The following ZNF277 variants were observed in gnomAD, a reference collection of about 807,000 sequenced individuals.
ZNF277 encodes the protein zinc finger protein 277.
A neutral mutation model predicts 60.7 loss-of-function variants in ZNF277; 55 were observed. The ratio of observed to expected loss-of-function variants is 0.91; its 90% CI spans 0.73 to 1.13. The LOEUF (loss-of-function observed/expected upper bound fraction) is 1.13, where lower values mean the gene tolerates loss of function less well. Among genes scored for constraint, ZNF277 ranks in the 50% most tolerant of loss-of-function variants. The pLI is 0.00. For missense variants in ZNF277, 510 were observed against 523.0 expected (o/e 0.98, Z 0.24); for synonymous variants, 178 against 179.3 (o/e 0.99, Z 0.06).
chr7:112,334,170 A>G (rs1457735210), intron 7 of ZNF277, among the ~76,000 whole-genome samples: 1 of 152,102 alleles, frequency 6.6e-6, no homozygotes. Context: ...GTTTTGTGTA[A>G]GCACATGTAA....
intron 2 of ZNF277, chr7:112,287,311 G>A: frequency 3.9e-6 from 2 of 514,624 alleles, no homozygotes; most frequent in South Asian, 4.6e-5. Flanking sequence ...TGAGTTCGAG[G>A]CTGCAGTGAG....
chr7:112,285,624 CG>C (rs1257645198), intron 1 of ZNF277, among the ~76,000 whole-genome samples: 3 of 151,334 alleles, frequency 2.0e-5, no homozygotes, highest in Admixed American at 6.6e-5. Flanking sequence ...TTAGTAGAGA[CG>C]GGGTTTTACC....
chr7:112,329,858 C>A (rs1340705451), intron 6 of ZNF277, among the ~76,000 whole-genome samples: 1 of 152,188 alleles, frequency 6.6e-6, no homozygotes, highest in African/African-American at 2.4e-5. Context: ...ACAGTCTTAA[C>A]TGAATAGCAA....
intron 1 of ZNF277, among the ~76,000 whole-genome samples, chr7:112,273,198 T>C (rs1258303769): frequency 6.6e-6 from 1 of 152,166 alleles, no homozygotes; most frequent in African/African-American, 2.4e-5. Flanking sequence ...AAGTGCACTT[T>C]AGCCCGTGGT....
At chr7:112,271,692 A>G (rs1451906083) in intron 1 of ZNF277, among the ~76,000 whole-genome samples, 1 of 152,182 alleles carries the variant, frequency 6.6e-6, no homozygotes, top group African/African-American at 2.4e-5. Context: ...GGAGGACATG[A>G]ATCTAGTGAT....
intron 1 of ZNF277, among the ~76,000 whole-genome samples, chr7:112,282,487 C>T (rs561411686): frequency 3.9e-5 from 6 of 152,252 alleles, no homozygotes; most frequent in Non-Finnish European, 8.8e-5. Flanking sequence ...GTGACTGGCA[C>T]TTCATTTTGT....
intron 1 of ZNF277, among the ~76,000 whole-genome samples, chr7:112,260,648 C>T (rs10252768): frequency 1.3e-5 from 2 of 151,972 alleles, no homozygotes; most frequent in Admixed American, 6.5e-5. Context: ...TTCTAGGAAG[C>T]GATAAGCCTT....
chr7:112,290,973 TAATA>T (rs1405445316), intron 2 of ZNF277, among the ~76,000 whole-genome samples: 1 of 152,144 alleles, frequency 6.6e-6, no homozygotes, highest in Non-Finnish European at 1.5e-5. Context: ...ATGAAGATGA[TAATA>T]AATAAGAGAT....
chr7:112,335,151 A>G (rs1793305148), intron 7 of ZNF277, among the ~76,000 whole-genome samples: 1 of 152,176 alleles, frequency 6.6e-6, no homozygotes, highest in South Asian at 2.1e-4. Flanking sequence ...AAAAGAGTCC[A>G]TAATTGAGTG....
At chr7:112,241,078 C>T (rs1194498615) in intron 1 of ZNF277, among the ~76,000 whole-genome samples, 1 of 151,700 alleles carries the variant, frequency 6.6e-6, no homozygotes, top group Non-Finnish European at 1.5e-5. Flanking sequence ...CCCACAGTAT[C>T]GGAGAACGTA....
At chr7:112,215,802 T>G (rs1243183269) in intron 1 of ZNF277, among the ~76,000 whole-genome samples, 1 of 152,190 alleles carries the variant, frequency 6.6e-6, no homozygotes, top group Non-Finnish European at 1.5e-5. Flanking sequence ...TTTTTTAGTG[T>G]TTTTATCCAA....
chr7:112,307,503 C>T (rs2117094933), intron 4 of ZNF277, among the ~76,000 whole-genome samples: 1 of 151,064 alleles, frequency 6.6e-6, no homozygotes, highest in East Asian at 2.0e-4. Context: ...CAGCCTCCGC[C>T]TCCTGGTTTC....
chr7:112,269,044 C>A (rs1024128962), intron 1 of ZNF277, among the ~76,000 whole-genome samples: 2 of 152,200 alleles, frequency 1.3e-5, no homozygotes, highest in Non-Finnish European at 2.9e-5. Flanking sequence ...TATGATAATA[C>A]CTGACTGATA....
intron 1 of ZNF277, among the ~76,000 whole-genome samples, chr7:112,239,774 G>A (rs1790899340): frequency 6.6e-6 from 1 of 152,196 alleles, no homozygotes; most frequent in South Asian, 2.1e-4. Flanking sequence ...GACAAGTACA[G>A]AATAGTATAA....
chr7:112,286,530 G>A (rs1426020145), intron 1 of ZNF277, among the ~76,000 whole-genome samples: 1 of 152,186 alleles, frequency 6.6e-6, no homozygotes, highest in Non-Finnish European at 1.5e-5. Flanking sequence ...TTAACCCAGA[G>A]TGTTGCAGCC....
intron 1 of ZNF277, among the ~76,000 whole-genome samples, chr7:112,233,611 G>T (rs1316162168): frequency 6.6e-6 from 1 of 152,118 alleles, no homozygotes; most frequent in Non-Finnish European, 1.5e-5. Context: ...CAGCAATATT[G>T]GCAGTGCTCT....
intron 7 of ZNF277, among the ~76,000 whole-genome samples, chr7:112,334,247 C>T (rs1050658984): frequency 1.3e-5 from 2 of 152,018 alleles, no homozygotes; most frequent in African/African-American, 4.8e-5. Flanking sequence ...TTTTTTTCCA[C>T]CCTCTCATTA....
At chr7:112,220,148 T>G (rs1821987341) in intron 1 of ZNF277, among the ~76,000 whole-genome samples, 1 of 152,240 alleles carries the variant, frequency 6.6e-6, no homozygotes, top group South Asian at 2.1e-4. Flanking sequence ...CTTTGAGTAC[T>G]GTGGACATTT....
At chr7:112,219,411 G>A (rs1309753088) in intron 1 of ZNF277, among the ~76,000 whole-genome samples, 5 of 152,036 alleles carry the variant, frequency 3.3e-5, no homozygotes, top group Non-Finnish European at 5.9e-5. Context: ...GGTGAAATAA[G>A]GGTTCAATTT....
Sources: gnomAD v4.1 joint callset for allele counts (sites outside exome capture counted in the v4.1 genomes callset) on GRCh38, gnomAD v4.1.1 for gene constraint, MANE v1.5 for transcripts, NCBI Gene and HGNC (gene_info 2026-07-23, HGNC 2026-07-21) for gene names.